Variants in GPR158 observed in about 807,000 individuals in gnomAD.
GPR158 encodes G protein-coupled receptor 158.
Under a neutral mutation model 78.2 loss-of-function variants are expected in GPR158, and 30 were observed. The observed-to-expected ratio is 0.38, with a 90% CI of 0.29 to 0.52. The LOEUF is 0.52. Ranked by LOEUF, GPR158 falls within the 20% of genes least tolerant of loss-of-function variation. GPR158 has a pLI of 0.83. For missense variants in GPR158, 1,463 were observed against 1,523.5 expected (o/e 0.96, Z 0.66); for synonymous variants, 581 against 591.1 (o/e 0.98, Z 0.25).
chr10:25,408,910 C>G (rs924708164), intron 3 of GPR158, among the ~76,000 whole-genome samples: 1 of 152,166 alleles, frequency 6.6e-6, no homozygotes, highest in Non-Finnish European at 1.5e-5. Flanking sequence ...GTTCATGGCA[C>G]AAGATGTGAG....
At chr10:25,371,968 G>C (rs1314074483) in intron 2 of GPR158, among the ~76,000 whole-genome samples, 1 of 150,956 alleles carries the variant, frequency 6.6e-6, no homozygotes, top group African/African-American at 2.4e-5. Context: ...CTGACAAAGG[G>C]CTAATATCCA....
chr10:25,386,303 G>C (rs1283087631), intron 2 of GPR158, among the ~76,000 whole-genome samples: 1 of 152,138 alleles, frequency 6.6e-6, no homozygotes. Flanking sequence ...CTATATGTCT[G>C]TCTTTATGCC....
chr10:25,225,172 G>A (rs1017206532), intron 2 of GPR158, among the ~76,000 whole-genome samples: 6 of 139,230 alleles, frequency 4.3e-5, no homozygotes, highest in African/African-American at 1.5e-4. Flanking sequence ...CAGCAGATTT[G>A]GAACATTTGC....
chr10:25,443,275 C>T (rs1248901516), intron 4 of GPR158, among the ~76,000 whole-genome samples: 1 of 152,056 alleles, frequency 6.6e-6, no homozygotes, highest in Non-Finnish European at 1.5e-5. Flanking sequence ...TTTTGTGAGG[C>T]TGGTTGTAGT....
intron 2 of GPR158, among the ~76,000 whole-genome samples, chr10:25,268,781 C>G (rs1379562563): frequency 6.6e-6 from 1 of 152,164 alleles, no homozygotes; most frequent in Admixed American, 6.6e-5. Context: ...TTCGCCTTCA[C>G]AATGAGCACC....
rs554424951 is a variant in GPR158, at chr10:25,385,039, A to G, written c.1009-10872A>G. 5.3e-5 allele frequency among the ~76,000 whole-genome samples: 8 copies of G among 152,298 alleles called. No individual in the cohort carries two copies. The East Asian group carries it at 7.7e-4, about 15-fold the overall frequency. ...ACTGTACAATTTGGTAATGTTATTT[A>G]TATTCATTGTTGTGTGACAGAGCTC... On this transcript the variant is annotated intron_variant, in intron 2 of 10. Coordinates refer to ENST00000376351, the MANE Select transcript of GPR158 (RefSeq NM_020752.3).
chr10:25,284,163 C>T (rs944071502), intron 2 of GPR158, among the ~76,000 whole-genome samples: 2 of 151,998 alleles, frequency 1.3e-5, no homozygotes, highest in African/African-American at 2.4e-5. Context: ...CTTTTATAGT[C>T]TTACTGATTT....
intron 1 of GPR158, among the ~76,000 whole-genome samples, chr10:25,185,108 T>C (rs965257339): frequency 2.0e-5 from 3 of 152,210 alleles, no homozygotes; most frequent in African/African-American, 4.8e-5. Context: ...AAATATCCCC[T>C]GTGGGGCAAA....
At chr10:25,428,865 A>G (rs529344467) in intron 4 of GPR158, among the ~76,000 whole-genome samples, 3 of 152,116 alleles carry the variant, frequency 2.0e-5, no homozygotes, top group African/African-American at 4.8e-5. Context: ...AGATGTATAT[A>G]TGAAGAAACC....
At chr10:25,317,790 G>C (rs902417378) in intron 2 of GPR158, among the ~76,000 whole-genome samples, 2 of 149,314 alleles carry the variant, frequency 1.3e-5, no homozygotes, top group South Asian at 4.2e-4. Flanking sequence ...GTGCAATGGC[G>C]CAATCTCAGC....
intron 1 of GPR158, among the ~76,000 whole-genome samples, chr10:25,214,799 A>G (rs1709061157): frequency 6.6e-6 from 1 of 151,976 alleles, no homozygotes; most frequent in Admixed American, 6.6e-5. Context: ...CACAAGGAGA[A>G]GATGGCCATT....
At chr10:25,431,031 G>A (rs1171505370) in intron 4 of GPR158, among the ~76,000 whole-genome samples, 2 of 146,140 alleles carry the variant, frequency 1.4e-5, no homozygotes, top group African/African-American at 5.1e-5. Flanking sequence ...TTAAATTAAA[G>A]AGCTTCTGCA....
intron 2 of GPR158, among the ~76,000 whole-genome samples, chr10:25,330,024 T>G (rs1037891753): frequency 2.0e-5 from 3 of 151,816 alleles, no homozygotes; most frequent in Admixed American, 6.6e-5. Flanking sequence ...CTTTTTTTTT[T>G]TTGTTATACT....
intron 3 of GPR158, among the ~76,000 whole-genome samples, chr10:25,399,471 A>G (rs1834411976): frequency 6.6e-6 from 1 of 152,146 alleles, no homozygotes. Context: ...ATGAGAATCT[A>G]ATGCCTGATG....
chr10:25,456,721 C>T (rs1240888129), intron 4 of GPR158, among the ~76,000 whole-genome samples: 1 of 152,122 alleles, frequency 6.6e-6, no homozygotes, highest in Non-Finnish European at 1.5e-5. Flanking sequence ...TGAGGAATGA[C>T]TTGTGAAGTC....
intron 2 of GPR158, among the ~76,000 whole-genome samples, chr10:25,246,408 A>T (rs1853689776): frequency 6.6e-6 from 1 of 152,168 alleles, no homozygotes; most frequent in South Asian, 2.1e-4. Context: ...TCCCCCCTAA[A>T]AACTGGACTC....
intron 2 of GPR158, among the ~76,000 whole-genome samples, chr10:25,381,506 G>A (rs12265226): frequency 0.18 from 27,678 of 152,124 alleles, 2,778 homozygotes; most frequent in Non-Finnish European, 0.21. Flanking sequence ...AAGAGGAAAA[G>A]GTTGAACAAG....
intron 2 of GPR158, among the ~76,000 whole-genome samples, chr10:25,289,920 C>A (rs1854410330): frequency 6.6e-6 from 1 of 152,112 alleles, no homozygotes; most frequent in Non-Finnish European, 1.5e-5. Flanking sequence ...TACGGAGATA[C>A]AATGACAAAT....
chr10:25,352,669 A>T (rs1311609029), intron 2 of GPR158, among the ~76,000 whole-genome samples: 1 of 152,028 alleles, frequency 6.6e-6, no homozygotes, highest in Non-Finnish European at 1.5e-5. Context: ...GTGCCAGATT[A>T]AAGACACAGA....
Sources: gnomAD v4.1 joint callset for allele counts (sites outside exome capture counted in the v4.1 genomes callset) on GRCh38, gnomAD v4.1.1 for gene constraint, MANE v1.5 for transcripts, NCBI Gene and HGNC (gene_info 2026-07-23, HGNC 2026-07-21) for gene names.